Variants in NTN1 observed in about 807,000 individuals in gnomAD.
The protein encoded by NTN1 is netrin-1.
Under a neutral mutation model 54.2 loss-of-function variants are expected in NTN1, and 11 were observed. That is an observed-to-expected ratio of 0.20 (90% confidence interval 0.13 to 0.34). The LOEUF is 0.34. NTN1 is among the 10% of genes least tolerant of loss of function. NTN1 has a pLI of 1.00. For synonymous variants in NTN1, 371 were observed against 382.0 expected (o/e 0.97, Z 0.33); for missense variants, 740 against 893.1 (o/e 0.83, Z 2.18).
rs766923763 is a variant in NTN1 at position 9,165,344 on chromosome 17, G to A, written c.1207+2343G>A. ...AGACGTCAGGAAGCCACAGGGTCCC[G>A]GGAACCCGCAGGCCATTCTCCAGGG... On this transcript the variant is annotated intron_variant, in intron 3 of 6. Coordinates refer to ENST00000173229, the MANE Select transcript of NTN1 (RefSeq NM_004822.3). This position sits in a 1 kb window ranked among gnomAD's most constrained non-coding sequence, Gnocchi z 4.5. Among the ~76,000 whole-genome samples the A allele has an allele frequency of 1.2e-4, 18 of 152,306 alleles. No individual in the cohort carries two copies. Among genetic ancestry groups the A allele is most frequent in the Middle Eastern group, 6.8e-3 (2 of 294 alleles).
chr17:9,038,960 AT>A (rs1402898930), intron 2 of NTN1, among the ~76,000 whole-genome samples: 2 of 152,064 alleles, frequency 1.3e-5, no homozygotes, highest in African/African-American at 2.4e-5. Context: ...AAGGATATCC[AT>A]TTTTTCATCA....
intron 5 of NTN1, 149 bp downstream of exon 5, chr17:9,183,118 T>G (rs2092423804): frequency 1.3e-6 from 1 of 792,602 alleles, no homozygotes. Context: ...TGGGTTGCAT[T>G]GAAGAAGCTG....
At position 9,239,882 on chromosome 17, in the gene NTN1, C is replaced by T; in HGVS notation, c.1729C>T (p.Leu577=). Residue 577 remains leucine (L), a synonymous_variant, in exon 7 of 7, where the codon CTG becomes TTG. Coordinates refer to ENST00000173229, the MANE Select transcript of NTN1 (RefSeq NM_004822.3). The surrounding 1 kb of genome is among the most constrained non-coding windows in gnomAD (Gnocchi z 5.2). ...CGGCATCGTGGCCGATAAAAGCAGC[C>T]TGGTGATCCAGTGGCGGGACACGTG... ...QSGIVADKSS[L]VIQWRDTWAR... 2 of 1,601,890 alleles carry T rather than the reference C, an allele frequency of 1.2e-6. No homozygotes were observed. The highest frequency in any genetic ancestry group is 1.7e-6 in the Non-Finnish European group (2 of 1,173,440).
intron 2 of NTN1, among the ~76,000 whole-genome samples, chr17:9,072,730 T>C (rs1160808728): frequency 6.6e-6 from 1 of 151,992 alleles, no homozygotes. Context: ...AAGCAATATC[T>C]CTCCCCCCAG....
At chr17:9,225,458 C>G (rs1052445801) in intron 6 of NTN1, among the ~76,000 whole-genome samples, 11 of 152,144 alleles carry the variant, frequency 7.2e-5, no homozygotes, top group Non-Finnish European at 1.6e-4. Flanking sequence ...CCCACAGGGG[C>G]TGGCGGGGGG....
intron 5 of NTN1, among the ~76,000 whole-genome samples, chr17:9,203,881 T>C (rs894490526): frequency 1.3e-5 from 2 of 152,070 alleles, no homozygotes; most frequent in Non-Finnish European, 2.9e-5. Context: ...AGCAGCATAA[T>C]GGGGTTTCTA....
In NTN1 at chr17:9,183,277, G is replaced by A. The variant is rs781607632; in HGVS notation, c.1411+308G>A. On this transcript the variant is annotated intron_variant, in intron 5 of 6. Coordinates refer to ENST00000173229, the MANE Select transcript of NTN1 (RefSeq NM_004822.3). ...CCGCCAGCCCAACACCTTCCAGGCT[G>A]AGGGGTTGTCACTCCTTCCTGGGGC... 4 of 607,648 alleles carry A rather than the reference G, an allele frequency of 6.6e-6. No homozygotes were observed. In the African/African-American group the frequency reaches 7.3e-5, roughly 11 times the overall value. 37.6% of individuals were successfully genotyped at this position (607,648 alleles called of 1,614,324 possible). A position where few individuals can be genotyped will look rare whatever the true frequency, so the allele number is the denominator to read the frequency against.
At chr17:9,209,833 C>T (rs1905054390) in intron 5 of NTN1, among the ~76,000 whole-genome samples, 1 of 152,164 alleles carries the variant, frequency 6.6e-6, no homozygotes, top group Admixed American at 6.5e-5. Flanking sequence ...GAATGACAGT[C>T]TAGGCTCCTG....
In NTN1 at chr17:9,151,013, C is replaced by T. The variant is rs1199676285; in HGVS notation, c.1019-11800C>T. On this transcript the variant is annotated intron_variant, in intron 2 of 6. Coordinates refer to ENST00000173229, the MANE Select transcript of NTN1 (RefSeq NM_004822.3). The stretch of plus-strand genomic sequence containing the variant: ...GAAATGCCCTCTCCGGTCTGTTTGC[C>T]GCCAGCCTCTTTGCAGGGACCACGT... Among the ~76,000 whole-genome samples the T allele has an allele frequency of 9.2e-5, 14 of 152,124 alleles. No individual in the cohort carries two copies. In the South Asian group the frequency reaches 1.9e-3, roughly 20 times the overall value.
At chr17:9,126,002 A>G (rs2142265593) in intron 2 of NTN1, among the ~76,000 whole-genome samples, 1 of 152,388 alleles carries the variant, frequency 6.6e-6, no homozygotes, top group South Asian at 2.1e-4. Flanking sequence ...AAGGTTGTCT[A>G]GCTGACAAGG....
chr17:9,213,063 C>G (rs1033806067), intron 5 of NTN1, among the ~76,000 whole-genome samples: 2 of 152,220 alleles, frequency 1.3e-5, no homozygotes, highest in Non-Finnish European at 2.9e-5. Context: ...ATTGGGCCTG[C>G]AGGCCACCTC....
In NTN1 at chr17:9,239,992, C is replaced by CGGGCGGGCGCCA. The variant is rs1331590396; in HGVS notation, c.*32_*43dup. ...AGCGCCGAGGCAGCGGGCGGGCGGG[C>CGGGCGGGCGCCA]GGGCGGGCGCCAGGGCGGGGCCGAG... On this transcript the variant is annotated 3_prime_UTR_variant, in exon 7 of 7. Transcript: ENST00000173229. This position sits in a 1 kb window ranked among gnomAD's most constrained non-coding sequence, Gnocchi z 5.2. The CGGGCGGGCGCCA allele has an allele frequency of 8.3e-5, 1 of 11,992 alleles. No homozygotes were observed. Among genetic ancestry groups the CGGGCGGGCGCCA allele is most frequent in the Admixed American group, 2.0e-3 (1 of 494 alleles). The allele number at this position is 11,992 out of a possible 1,614,324, so 0.7% of individuals were successfully genotyped here.
intron 2 of NTN1, among the ~76,000 whole-genome samples, chr17:9,131,957 C>T (rs553687436): frequency 2.8e-4 from 43 of 151,452 alleles, no homozygotes; most frequent in Admixed American, 9.9e-4. Flanking sequence ...CGCCCGCAAC[C>T]ACGCCCGGCT....
At chr17:9,163,477 AACACACACACACACACACACAC>A (rs55765967) in intron 3 of NTN1, among the ~76,000 whole-genome samples, 2 of 142,682 alleles carry the variant, frequency 1.4e-5, no homozygotes, top group Non-Finnish European at 3.1e-5. Flanking sequence ...TCCCCCCCGA[AACACACACACACACACACACAC>A]ACACACACAC....
Position 9,221,064 on chromosome 17 carries a change from A to AGGCCTCTGGCTATTTAGGGAGGC in NTN1, c.1412-97_1412-75dup, listed in dbSNP as rs1181588539. The AGGCCTCTGGCTATTTAGGGAGGC allele has an allele frequency of 2.2e-5, 19 of 861,606 alleles. No individual in the cohort carries two copies. In the African/African-American group the frequency reaches 2.7e-4, roughly 12 times the overall value. The allele number at this position is 861,606 out of a possible 1,614,324, so 53.4% of individuals were successfully genotyped here. ...GCCCGGCCTGGCCCATGGGTATCAC[A>AGGCCTCTGGCTATTTAGGGAGGC]GGCCTCTGGCTATTTAGGGAGGCGG... is the stretch of plus-strand genomic sequence containing the variant. On this transcript the variant is annotated intron_variant, in intron 5 of 6. Coordinates refer to ENST00000173229, the MANE Select transcript of NTN1 (RefSeq NM_004822.3). The surrounding 1 kb of genome is among the most constrained non-coding windows in gnomAD (Gnocchi z 4.5).
At chr17:9,216,191 C>A (rs763120776) in intron 5 of NTN1, among the ~76,000 whole-genome samples, 34 of 152,228 alleles carry the variant, frequency 2.2e-4, no homozygotes, top group Admixed American at 1.0e-3. Context: ...CTCCTAGCCT[C>A]AAGCGATCTT....
intron 2 of NTN1, among the ~76,000 whole-genome samples, chr17:9,160,869 A>G (rs1375961344): frequency 6.6e-6 from 1 of 152,024 alleles, no homozygotes; most frequent in African/African-American, 2.4e-5. Flanking sequence ...AGGTGGGAGG[A>G]TCTGACAAGC....
intron 2 of NTN1, among the ~76,000 whole-genome samples, chr17:9,115,444 G>A (rs953791857): frequency 3.3e-5 from 5 of 152,324 alleles, no homozygotes; most frequent in Non-Finnish European, 7.3e-5. Flanking sequence ...GCTCATTGTC[G>A]GGAAGAGAAA....
chr17:9,202,492 T>C lies in NTN1; in HGVS notation c.1412-18676T>C, dbSNP rs76116957. 4.5e-3 allele frequency among the ~76,000 whole-genome samples: 679 copies of C among 152,300 alleles called. 4 individuals are homozygous for C. The highest frequency in any genetic ancestry group is 0.016 in the African/African-American group (648 of 41,542). On this transcript the variant is annotated intron_variant, in intron 5 of 6. Transcript: ENST00000173229. The stretch of plus-strand genomic sequence containing the variant: ...TGGAGTGTATTGAGAATTCATTACT[T>C]TCCTAAAGCAAACCCGATACCTTTA...
Sources: allele counts gnomAD v4.1 joint callset (sites outside exome capture counted in the v4.1 genomes callset), GRCh38; gene constraint gnomAD v4.1.1; non-coding constraint Gnocchi (gnomAD v3.1); transcripts MANE v1.5; gene names NCBI Gene and HGNC (gene_info 2026-07-23, HGNC 2026-07-21).